SERGEF: variants seen among roughly 807,000 people sequenced by gnomAD.
The protein encoded by SERGEF is secretion-regulating guanine nucleotide exchange factor.
Under a neutral mutation model 50.0 loss-of-function variants are expected in SERGEF, and 51 were observed. That is an observed-to-expected ratio of 1.02 (90% confidence interval 0.81 to 1.29). SERGEF has a LOEUF of 1.29. SERGEF is among the 50% of genes most tolerant of loss of function. The pLI, the probability that SERGEF is intolerant of heterozygous loss-of-function variation, is 0.00. For synonymous variants in SERGEF, 205 were observed against 212.4 expected (o/e 0.97, Z 0.30); for missense variants, 521 against 557.0 (o/e 0.94, Z 0.65).
intron 9 of SERGEF, among the ~76,000 whole-genome samples, chr11:17,889,725 G>A (rs916299873): frequency 6.6e-6 from 1 of 152,164 alleles, no homozygotes; most frequent in Non-Finnish European, 1.5e-5. Context: ...TTTAAAAAGA[G>A]AGAGGACACA....
At chr11:17,956,593 T>C (rs944599352) in intron 9 of SERGEF, among the ~76,000 whole-genome samples, 1 of 152,222 alleles carries the variant, frequency 6.6e-6, no homozygotes, top group African/African-American at 2.4e-5. Context: ...GGGATGGTTA[T>C]ACCACAGTCT....
chr11:17,992,533 T>A (rs1853736951), intron 7 of SERGEF, among the ~76,000 whole-genome samples: 1 of 152,118 alleles, frequency 6.6e-6, no homozygotes, highest in Non-Finnish European at 1.5e-5. Flanking sequence ...TACAAAGAAT[T>A]CATAATTATA....
At chr11:17,805,081 T>C (rs1244337816) in intron 10 of SERGEF, among the ~76,000 whole-genome samples, 1 of 152,244 alleles carries the variant, frequency 6.6e-6, no homozygotes, top group African/African-American at 2.4e-5. Context: ...AAACTCTTTA[T>C]CTAACAGTTT....
chr11:17,801,831 C>T (rs1342655013), intron 10 of SERGEF, among the ~76,000 whole-genome samples: 1 of 152,050 alleles, frequency 6.6e-6, no homozygotes, highest in Non-Finnish European at 1.5e-5. Context: ...GCTTATGGTT[C>T]GATGGGGCCT....
At chr11:17,995,766 A>C in intron 6 of SERGEF, 30 bp downstream of exon 6, 1 of 1,437,616 alleles carries the variant, frequency 7.0e-7, no homozygotes, top group Non-Finnish European at 9.8e-7. Flanking sequence ...ACAAAGAACA[A>C]ATATAGGACT....
intron 8 of SERGEF, among the ~76,000 whole-genome samples, chr11:17,987,899 T>C (rs1853633514): frequency 6.6e-6 from 1 of 152,146 alleles, no homozygotes; most frequent in Non-Finnish European, 1.5e-5. Flanking sequence ...GAATTTCAAA[T>C]TGGCTGGGGA....
intron 10 of SERGEF, among the ~76,000 whole-genome samples, chr11:17,830,666 G>GAC (rs1850288363): frequency 7.0e-6 from 1 of 143,458 alleles, no homozygotes; most frequent in African/African-American, 2.5e-5. Flanking sequence ...GAGAGAGAGA[G>GAC]AGAGAGAGAG....
At chr11:17,810,688 A>T (rs1024621594) in intron 10 of SERGEF, among the ~76,000 whole-genome samples, 8 of 152,052 alleles carry the variant, frequency 5.3e-5, no homozygotes, top group African/African-American at 1.9e-4. Context: ...GTATCTCTTT[A>T]TCCTCCACTG....
rs1011662806 is a variant in SERGEF, at chr11:17,985,581, G to A, written c.844+3016C>T. On this transcript the variant is annotated intron_variant, in intron 8 of 10. Coordinates refer to ENST00000265965, the MANE Select transcript of SERGEF (RefSeq NM_012139.4). ...TTAAGCAGCTTGGGAAAGGTTTCTA[G>A]AATGCAGCACCATGAGCCTGAGACA... is the stretch of plus-strand genomic sequence containing the variant. Among the ~76,000 whole-genome samples, 6 of 152,172 alleles carry A rather than the reference G, an allele frequency of 3.9e-5. No homozygotes were observed. The South Asian group carries it at 1.2e-3, about 32-fold the overall frequency.
At chr11:17,930,186 T>C (rs1201987260) in intron 9 of SERGEF, among the ~76,000 whole-genome samples, 3 of 152,184 alleles carry the variant, frequency 2.0e-5, no homozygotes, top group African/African-American at 7.2e-5. Flanking sequence ...CAAAACTTCA[T>C]AGAGATGTAG....
chr11:17,901,100 AT>A (rs1221084777), intron 9 of SERGEF, among the ~76,000 whole-genome samples: 1 of 150,930 alleles, frequency 6.6e-6, no homozygotes, highest in Non-Finnish European at 1.5e-5. Flanking sequence ...CATCACCATC[AT>A]TGTAGTTACC....
chr11:17,959,025 C>T (rs1022231780), intron 9 of SERGEF, among the ~76,000 whole-genome samples: 4 of 152,036 alleles, frequency 2.6e-5, no homozygotes, highest in East Asian at 1.9e-4. Flanking sequence ...TGTGCCACCA[C>T]GCCCAGCTAA....
At chr11:17,800,506 T>C (rs551079743) in intron 10 of SERGEF, among the ~76,000 whole-genome samples, 44 of 152,320 alleles carry the variant, frequency 2.9e-4, no homozygotes, top group South Asian at 1.2e-3. Context: ...AGAATAGTTA[T>C]AGAGTGCCAA....
chr11:17,870,179 T>C (rs1851111613), intron 10 of SERGEF, among the ~76,000 whole-genome samples: 1 of 152,200 alleles, frequency 6.6e-6, no homozygotes, highest in African/African-American at 2.4e-5. Context: ...GATTGTAAGT[T>C]TCCTGACGCC....
intron 4 of SERGEF, chr11:18,002,181 CTT>C (rs1157466394): frequency 1.8e-4 from 64 of 362,236 alleles, no homozygotes; most frequent in South Asian, 8.6e-4. Flanking sequence ...AACTGAAGGG[CTT>C]TACATGTGAC....
At chr11:17,834,514 T>A (rs2133856832) in intron 10 of SERGEF, among the ~76,000 whole-genome samples, 2 of 152,360 alleles carry the variant, frequency 1.3e-5, no homozygotes, top group South Asian at 4.1e-4. Context: ...ATTAAACTTA[T>A]TAAGTTTTTA....
intron 9 of SERGEF, among the ~76,000 whole-genome samples, chr11:17,897,916 C>G (rs962604145): frequency 6.6e-6 from 1 of 152,136 alleles, no homozygotes; most frequent in African/African-American, 2.4e-5. Context: ...ACCCCATTAA[C>G]CCCTAATGTT....
chr11:17,950,074 A>G (rs184020110), intron 9 of SERGEF, among the ~76,000 whole-genome samples: 13 of 152,360 alleles, frequency 8.5e-5, no homozygotes, highest in Non-Finnish European at 2.9e-5. Context: ...ATTTTGACAG[A>G]AGCTGGATCA....
chr11:17,851,751 G>C (rs1357123399), intron 10 of SERGEF, among the ~76,000 whole-genome samples: 1 of 152,192 alleles, frequency 6.6e-6, no homozygotes, highest in East Asian at 1.9e-4. Flanking sequence ...ATGCATTATT[G>C]CAGATTTTTA....
Sources: gnomAD v4.1 joint callset for allele counts (sites outside exome capture counted in the v4.1 genomes callset) on GRCh38, gnomAD v4.1.1 for gene constraint, MANE v1.5 for transcripts, NCBI Gene and HGNC (gene_info 2026-07-23, HGNC 2026-07-21) for gene names.